The following NBEA variants were observed in gnomAD, a reference collection of about 807,000 sequenced individuals.
NBEA encodes the protein lysosomal-trafficking regulator 2.
Under a neutral mutation model 343.4 loss-of-function variants are expected in NBEA, and 44 were observed. The ratio of observed to expected loss-of-function variants is 0.13; its 90% CI spans 0.10 to 0.16. The LOEUF (loss-of-function observed/expected upper bound fraction) is 0.16. Among genes scored for constraint, NBEA ranks in the 10% least tolerant of loss-of-function variants. The pLI, the probability that NBEA is intolerant of heterozygous loss-of-function variation, is 1.00. For synonymous variants in NBEA, 1,175 were observed against 1,238.7 expected, an observed-to-expected ratio of 0.95 and a Z score of 1.08; for missense variants, 2,555 against 3,631.3, an observed-to-expected ratio of 0.70 and a Z score of 7.62.
intron 36 of NBEA, among the ~76,000 whole-genome samples, chr13:35,335,363 T>A (rs576187857): frequency 1.3e-5 from 2 of 152,304 alleles, no homozygotes; most frequent in South Asian, 2.1e-4. Context: ...CATTGGCTTT[T>A]TTCTATTTCT....
intron 40 of NBEA, among the ~76,000 whole-genome samples, chr13:35,462,058 G>T (rs527325141): frequency 6.6e-6 from 1 of 152,320 alleles, no homozygotes; most frequent in South Asian, 2.1e-4. Context: ...ACAAAGTAGG[G>T]ACAAGACCTG....
At chr13:34,949,884 C>T (rs546968094) in intron 1 of NBEA, among the ~76,000 whole-genome samples, 3 of 151,966 alleles carry the variant, frequency 2.0e-5, no homozygotes, top group South Asian at 4.2e-4. Flanking sequence ...GTGGTAAGTA[C>T]ACTTTCTATT....
chr13:35,227,318 A>G (rs906778325), intron 33 of NBEA, among the ~76,000 whole-genome samples: 6 of 152,102 alleles, frequency 3.9e-5, no homozygotes, highest in Non-Finnish European at 7.4e-5. Flanking sequence ...CAACAGACAC[A>G]GTATTTGAGT....
chr13:34,973,348 C>T lies in NBEA; in HGVS notation c.294+30234C>T, dbSNP rs559591752. 3.9e-5 allele frequency among the ~76,000 whole-genome samples: 6 copies of T among 152,142 alleles called. No homozygotes were observed. In the East Asian group the frequency reaches 1.2e-3, roughly 30 times the overall value. On this transcript the variant is annotated intron_variant, in intron 1 of 58. Coordinates refer to ENST00000379939, the MANE Select transcript of NBEA (RefSeq NM_001385012.1). ...GCAGCTGTGCTGTGCTGGGGTACCA[C>T]TTCTGCCTCTAGTTGGCTTGGGCTC...
At chr13:35,229,662 TGA>T (rs1357834472) in intron 33 of NBEA, among the ~76,000 whole-genome samples, 1 of 152,118 alleles carries the variant, frequency 6.6e-6, no homozygotes, top group Non-Finnish European at 1.5e-5. Context: ...TTCTTTGAGA[TGA>T]GAATGGAAAT....
chr13:35,350,040 T>G (rs1217110692), intron 37 of NBEA, among the ~76,000 whole-genome samples: 5 of 152,102 alleles, frequency 3.3e-5, no homozygotes, highest in Non-Finnish European at 7.4e-5. Flanking sequence ...ACCAGATATT[T>G]TAAACTTCGA....
intron 34 of NBEA, among the ~76,000 whole-genome samples, chr13:35,270,764 T>A (rs2034070238): frequency 6.6e-6 from 1 of 152,180 alleles, no homozygotes; most frequent in Admixed American, 6.5e-5. Context: ...ATGCTGGAGC[T>A]TGGCAGGGGG....
chr13:35,478,682 A>G (rs564230548), intron 41 of NBEA, among the ~76,000 whole-genome samples: 17 of 152,318 alleles, frequency 1.1e-4, no homozygotes, highest in African/African-American at 3.8e-4. Flanking sequence ...CGCACCCCTC[A>G]GCCTGCACCG....
At chr13:35,261,492 CAG>C (rs967728412) in intron 34 of NBEA, among the ~76,000 whole-genome samples, 8 of 151,958 alleles carry the variant, frequency 5.3e-5, no homozygotes, top group African/African-American at 1.9e-4. Context: ...GCCTGGGCAA[CAG>C]AGCGAGACTC....
Position 35,159,440 on chromosome 13 carries a change from T to A in NBEA, c.3269T>A (p.Val1090Glu), listed in dbSNP as rs1287136598. Residue 1090 changes from valine to glutamate, a missense_variant, in exon 22 of 59, where the codon GTG becomes GAG. Coordinates refer to ENST00000379939, the MANE Select transcript of NBEA (RefSeq NM_001385012.1). ...TLVGGENGAL[V>E]EVESLLDNVY... ...GTAGGTGGAGAGAATGGTGCCCTTG[T>A]GGAGGTTGAATCTCTGTTGGATAAT... The A allele has an allele frequency of 6.2e-7, 1 of 1,613,304 alleles. No homozygotes were observed. The highest frequency in any genetic ancestry group is 8.5e-7 in the Non-Finnish European group (1 of 1,179,662).
chr13:35,209,252 G>T (rs1204333357), intron 32 of NBEA, among the ~76,000 whole-genome samples: 3 of 152,176 alleles, frequency 2.0e-5, no homozygotes, highest in Non-Finnish European at 2.9e-5. Flanking sequence ...GGACATGATT[G>T]GTTGAGTTCT....
chr13:35,206,775 C>T (rs2073424982), intron 31 of NBEA, among the ~76,000 whole-genome samples: 1 of 152,070 alleles, frequency 6.6e-6, no homozygotes, highest in Non-Finnish European at 1.5e-5. Flanking sequence ...TACGATTTTA[C>T]ACTCAAAAAA....
intron 1 of NBEA, among the ~76,000 whole-genome samples, chr13:34,979,482 T>C (rs1166251703): frequency 1.3e-5 from 2 of 151,882 alleles, no homozygotes; most frequent in Middle Eastern, 3.2e-3. Context: ...ATTGAGCCAC[T>C]GCACTCCATC....
intron 38 of NBEA, among the ~76,000 whole-genome samples, chr13:35,431,288 A>G (rs1287410597): frequency 6.6e-6 from 1 of 152,102 alleles, no homozygotes; most frequent in Non-Finnish European, 1.5e-5. Context: ...ATCTTCTAGG[A>G]AAGTATTTTA....
intron 1 of NBEA, among the ~76,000 whole-genome samples, chr13:34,991,250 C>A (rs1003420464): frequency 1.3e-5 from 2 of 152,210 alleles, no homozygotes; most frequent in African/African-American, 2.4e-5. Context: ...TCTCCAGTGC[C>A]AATTTTCTGT....
chr13:35,031,759 A>T (rs2152549872), intron 1 of NBEA, among the ~76,000 whole-genome samples: 1 of 151,714 alleles, frequency 6.6e-6, no homozygotes, highest in East Asian at 1.9e-4. Flanking sequence ...TATTAAGCCC[A>T]GTACCCAATA....
chr13:35,012,465 T>C (rs1441121959), intron 1 of NBEA, among the ~76,000 whole-genome samples: 1 of 152,210 alleles, frequency 6.6e-6, no homozygotes, highest in Non-Finnish European at 1.5e-5. Flanking sequence ...TGGGAACACA[T>C]TCAAGCCATA....
chr13:35,476,833 T>C (rs2075894361), intron 41 of NBEA: 1 of 1,009,188 alleles, frequency 9.9e-7, no homozygotes, highest in South Asian at 4.5e-5. Flanking sequence ...GCACACAAAC[T>C]AAAGGTAGGA....
intron 30 of NBEA, chr13:35,186,276 G>A (rs1239145137): frequency 1.3e-5 from 2 of 152,196 alleles, no homozygotes; most frequent in East Asian, 3.9e-4. Context: ...CTGCACTCCA[G>A]CCTGAGCAAC....
Sources: gnomAD v4.1 joint callset for allele counts (sites outside exome capture counted in the v4.1 genomes callset) on GRCh38, gnomAD v4.1.1 for gene constraint, MANE v1.5 for transcripts, NCBI Gene and HGNC (gene_info 2026-07-23, HGNC 2026-07-21) for gene names.